The following PTPN2 variants were observed in gnomAD, a reference collection of about 807,000 sequenced individuals.
The protein encoded by PTPN2 is protein tyrosine phosphatase non-receptor type 2.
In PTPN2, 19 loss-of-function variants were observed where a neutral mutation model predicts 57.3. The ratio of observed to expected loss-of-function variants is 0.33; its 90% CI spans 0.23 to 0.49. PTPN2 has a LOEUF of 0.49. Ranked by LOEUF, PTPN2 falls within the 20% of genes least tolerant of loss-of-function variation. The pLI is 0.99. For missense variants in PTPN2, 358 were observed against 501.1 expected (o/e 0.71, Z 2.73); for synonymous variants, 153 against 164.9 (o/e 0.93, Z 0.55).
Position 12,794,079 on chromosome 18 carries a change from T to C in PTPN2, c.*199A>G. The C allele has an allele frequency of 3.5e-6, 5 of 1,426,752 alleles. No individual in the cohort carries two copies. Among genetic ancestry groups the C allele is most frequent in the Non-Finnish European group, 4.6e-6 (5 of 1,097,092 alleles). The allele number at this position is 1,426,752 out of a possible 1,614,324, so 88.4% of individuals were successfully genotyped here. The stretch of plus-strand genomic sequence containing the variant: ...AATGTCTTTATTTTAGACAGCCATT[T>C]ACAGTTTGGGGTTCAGAGGAACCTG... On this transcript the variant is annotated 3_prime_UTR_variant, in exon 9 of 9. Coordinates refer to ENST00000309660, the MANE Select transcript of PTPN2 (RefSeq NM_002828.4).
rs570068329 is a variant in PTPN2, at chr18:12,836,734, G to A, written c.261+57C>T. 2.2e-4 allele frequency: 239 copies of A among 1,101,682 alleles called. 2 individuals carry two copies. The South Asian group carries it at 3.1e-3, about 15-fold the overall frequency. 68.2% of individuals were successfully genotyped at this position (1,101,682 alleles called of 1,614,324 possible). On this transcript the variant is annotated intron_variant, in intron 3 of 8. Coordinates refer to ENST00000309660, the MANE Select transcript of PTPN2 (RefSeq NM_002828.4). Reference sequence around the variant, plus strand: ...GATATACTTTTACCTATGATTTAAAGCAGAACAAGCACAAACACATCATTT... The same window carrying A: ...GATATACTTTTACCTATGATTTAAAACAGAACAAGCACAAACACATCATTT...
intron 8 of PTPN2, among the ~76,000 whole-genome samples, chr18:12,795,518 C>T (rs2145223964): frequency 6.6e-6 from 1 of 152,280 alleles, no homozygotes; most frequent in East Asian, 1.9e-4. Flanking sequence ...TGGTCTTGAA[C>T]TCCTGATCTC....
chr18:12,878,322 GAAAAGAAAGAAAAAGAAAAA>G (rs1056305469), intron 1 of PTPN2, among the ~76,000 whole-genome samples: 15 of 138,122 alleles, frequency 1.1e-4, no homozygotes, highest in African/African-American at 2.4e-4. Flanking sequence ...GTCTCAAAAA[GAAAAGAAAGAAAAAGAAAAA>G]AAAAGAAAGA....
chr18:12,808,840 AAC>A (rs2080685217), intron 7 of PTPN2, among the ~76,000 whole-genome samples: 1 of 152,222 alleles, frequency 6.6e-6, no homozygotes, highest in Non-Finnish European at 1.5e-5. Flanking sequence ...CTGCACAAAA[AAC>A]ACAAAAATTT....
rs139413145 is a variant in PTPN2, at chr18:12,859,810, G to A, written c.70-556C>T. Among the ~76,000 whole-genome samples the A allele has an allele frequency of 1.2e-3, 175 of 151,982 alleles. 1 individual carries two copies. The highest frequency in any genetic ancestry group is 4.0e-3 in the African/African-American group (165 of 41,438). On this transcript the variant is annotated intron_variant, in intron 1 of 8. Coordinates refer to ENST00000309660, the MANE Select transcript of PTPN2 (RefSeq NM_002828.4). ...TATCCTCAAATTTTATTTCTATCAT[G>A]TTTGTCATTACTTCTCCTTAAAAAA... is the stretch of plus-strand genomic sequence containing the variant.
chr18:12,880,907 AGT>A (rs2044646734), intron 1 of PTPN2, among the ~76,000 whole-genome samples: 1 of 152,200 alleles, frequency 6.6e-6, no homozygotes, highest in African/African-American at 2.4e-5. Context: ...GCTTCATTTC[AGT>A]GTCTCGCAGG....
intron 4 of PTPN2, among the ~76,000 whole-genome samples, chr18:12,826,921 G>A (rs182422638): frequency 9.8e-4 from 149 of 152,004 alleles, no homozygotes; most frequent in Non-Finnish European, 1.8e-3. Context: ...AAAAGCCATA[G>A]GTATCATATT....
At position 12,849,587 on chromosome 18, in the gene PTPN2, A is replaced by G. The variant is rs185293300; in HGVS notation, c.160+9577T>C. Among the ~76,000 whole-genome samples, 206 of 152,300 alleles carry G rather than the reference A, an allele frequency of 1.4e-3. 1 individual carries two copies. The highest frequency in any genetic ancestry group is 4.7e-3 in the African/African-American group (196 of 41,584). On this transcript the variant is annotated intron_variant, in intron 2 of 8. Transcript: ENST00000309660. ...AAAATAAATAAATAAAAAATAAAAA[A>G]GGTATTCTAATGTTAGCTACCCTTA...
intron 3 of PTPN2, among the ~76,000 whole-genome samples, chr18:12,835,836 A>T (rs1451975172): frequency 2.0e-5 from 3 of 152,194 alleles, no homozygotes; most frequent in Non-Finnish European, 2.9e-5. Context: ...CTTCATGTGC[A>T]AAGTGTCCAC....
At chr18:12,864,276 AC>A (rs2043919200) in intron 1 of PTPN2, 1 of 152,054 alleles carries the variant, frequency 6.6e-6, no homozygotes, top group East Asian at 1.9e-4. Flanking sequence ...CTACATTAAG[AC>A]CACACACCAC....
rs547624178 is a variant in PTPN2 at position 12,814,697 on chromosome 18, A to T, written c.706-342T>A. Among the ~76,000 whole-genome samples the T allele has an allele frequency of 9.0e-4, 136 of 151,182 alleles. No individual in the cohort carries two copies. The South Asian group carries it at 0.011, about 13-fold the overall frequency. ...TAGTATAAGGACTATTTTTTTTTTTAAAAGTCATGGCAGGAGTCAACCTTT... is the reference window on the plus strand; with the variant it reads ...TAGTATAAGGACTATTTTTTTTTTTTAAAGTCATGGCAGGAGTCAACCTTT... On this transcript the variant is annotated intron_variant, in intron 6 of 8. Transcript: ENST00000309660.
chr18:12,845,579 T>G (rs2043182092), intron 2 of PTPN2, among the ~76,000 whole-genome samples: 1 of 152,202 alleles, frequency 6.6e-6, no homozygotes. Context: ...TTCTAGGACA[T>G]TGTTGGGTAG....
chr18:12,795,804 T>G (rs1227213732), intron 8 of PTPN2, among the ~76,000 whole-genome samples: 1 of 152,160 alleles, frequency 6.6e-6, no homozygotes, highest in Non-Finnish European at 1.5e-5. Flanking sequence ...AGGTTACTAT[T>G]TCTTCCATTC....
At chr18:12,854,360 GAA>G (rs11460042) in intron 2 of PTPN2, among the ~76,000 whole-genome samples, 1 of 119,262 alleles carries the variant, frequency 8.4e-6, no homozygotes. Context: ...ACCCTGTCTT[GAA>G]AAAAAAAAAA....
At chr18:12,808,054 G>A (rs866928403) in intron 7 of PTPN2, among the ~76,000 whole-genome samples, 62 of 151,664 alleles carry the variant, frequency 4.1e-4, no homozygotes, top group African/African-American at 1.4e-3. Context: ...GTGGTGGCAC[G>A]CGCCTGCAGT....
chr18:12,868,285 G>T (rs528228322), intron 1 of PTPN2, among the ~76,000 whole-genome samples: 1 of 151,848 alleles, frequency 6.6e-6, no homozygotes, highest in Non-Finnish European at 1.5e-5. Context: ...ACTCTGTCTG[G>T]ACTGACTGGA....
exon 10 of PTPN2, chr18:12,785,729 G>T: frequency 8.8e-7 from 1 of 1,131,396 alleles, no homozygotes; most frequent in Non-Finnish European, 1.3e-6. Context: ...GGGTTAGCGA[G>T]CCTCACTTTA....
At chr18:12,883,903 C>A in intron 1 of PTPN2, 170 bp downstream of exon 1, 5 of 478,594 alleles carry the variant, frequency 1.0e-5, no homozygotes, top group South Asian at 3.0e-5. Context: ...CCAAAAGGAG[C>A]AAGAGAGCGG....
chr18:12,835,976 G>A (rs1319450625), intron 3 of PTPN2, among the ~76,000 whole-genome samples: 4 of 151,948 alleles, frequency 2.6e-5, no homozygotes, highest in African/African-American at 7.3e-5. Flanking sequence ...GTGAATTGAC[G>A]TAGTATAATA....
Sources: allele counts gnomAD v4.1 joint callset (sites outside exome capture counted in the v4.1 genomes callset), GRCh38; gene constraint gnomAD v4.1.1; transcripts MANE v1.5; gene names NCBI Gene and HGNC (gene_info 2026-07-23, HGNC 2026-07-21).